WDR72: variants seen among roughly 807,000 people sequenced by gnomAD.
The protein encoded by WDR72 is WD repeat domain 72, also known as WD repeat-containing protein 72.
In WDR72, 120 loss-of-function variants were observed where a neutral mutation model predicts 124.2. The ratio of observed to expected loss-of-function variants is 0.97; its 90% confidence interval spans 0.83 to 1.12. The LOEUF (loss-of-function observed/expected upper bound fraction) is 1.12, where lower values mean the gene tolerates loss of function less well. Among genes scored for constraint, WDR72 ranks in the 50% most tolerant of loss-of-function variants. The probability of loss-of-function intolerance (pLI) is 0.00; values close to 1 mark genes in which losing one functional copy is unlikely to be tolerated. For missense variants in WDR72, 1,387 were observed against 1,278.8 expected (o/e 1.08, Z -1.29); for synonymous variants, 452 against 441.7 (o/e 1.02, Z -0.29).
intron 18 of WDR72, among the ~76,000 whole-genome samples, chr15:53,589,835 T>G (rs945298534): frequency 3.3e-5 from 5 of 151,990 alleles, no homozygotes; most frequent in African/African-American, 1.2e-4. Flanking sequence ...CCGTGAAAGA[T>G]AAAACTACTT....
chr15:53,700,946 G>A (rs577751838), intron 12 of WDR72, among the ~76,000 whole-genome samples: 3 of 152,184 alleles, frequency 2.0e-5, no homozygotes, highest in Non-Finnish European at 2.9e-5. Context: ...CACACATACC[G>A]TGTGAACACA....
At chr15:53,521,964 G>T (rs536132745) in intron 19 of WDR72, among the ~76,000 whole-genome samples, 2 of 151,990 alleles carry the variant, frequency 1.3e-5, no homozygotes, top group South Asian at 4.2e-4. Context: ...CAAGGGGTGG[G>T]GTTAATTTGC....
At chr15:53,545,358 G>A (rs868267208) in intron 18 of WDR72, among the ~76,000 whole-genome samples, 24,017 of 142,948 alleles carry the variant, frequency 0.17, 2,257 homozygotes, top group Middle Eastern at 0.2. Context: ...AAATAACGCC[G>A]CATATCTGCA....
At chr15:53,667,714 T>C (rs1390429052) in intron 13 of WDR72, among the ~76,000 whole-genome samples, 3 of 152,234 alleles carry the variant, frequency 2.0e-5, no homozygotes, top group African/African-American at 7.2e-5. Context: ...ACAGGTTCTC[T>C]GTGGCTCCTC....
chr15:53,514,220 T>C lies in WDR72; in HGVS notation c.*3479A>G, dbSNP rs1460429686. Reference sequence around the variant, plus strand: ...AAATTAAACACAACTTTTGGCACTTTACATATAAGACAACATTTTGTGGAG... The same window carrying C: ...AAATTAAACACAACTTTTGGCACTTCACATATAAGACAACATTTTGTGGAG... On this transcript the variant is annotated 3_prime_UTR_variant, in exon 20 of 20. Coordinates refer to ENST00000360509, the MANE Select transcript of WDR72 (RefSeq NM_182758.4). 1 of 152,196 alleles carries C rather than the reference T, an allele frequency of 6.6e-6. No homozygotes were observed. Among genetic ancestry groups the C allele is most frequent in the Non-Finnish European group, 1.5e-5 (1 of 68,038 alleles). 9.4% of individuals were successfully genotyped at this position (152,196 alleles called of 1,614,324 possible).
At chr15:53,603,441 CT>C (rs1310917596) in intron 17 of WDR72, among the ~76,000 whole-genome samples, 2 of 152,148 alleles carry the variant, frequency 1.3e-5, no homozygotes, top group Non-Finnish European at 2.9e-5. Flanking sequence ...CAAGGATGCC[CT>C]CTCTTACTAC....
chr15:53,675,488 G>A (rs1364142827), intron 13 of WDR72, among the ~76,000 whole-genome samples: 1 of 151,954 alleles, frequency 6.6e-6, no homozygotes, highest in Non-Finnish European at 1.5e-5. Flanking sequence ...TTAATTAATT[G>A]TACAATTATC....
At chr15:53,667,847 C>A (rs2015832788) in intron 13 of WDR72, among the ~76,000 whole-genome samples, 1 of 152,108 alleles carries the variant, frequency 6.6e-6, no homozygotes, top group South Asian at 2.1e-4. Context: ...TTATTGTATA[C>A]CTAATGTCTT....
upstream of WDR72, among the ~76,000 whole-genome samples, chr15:53,760,439 T>C (rs2019040421): frequency 6.6e-6 from 1 of 152,142 alleles, no homozygotes; most frequent in African/African-American, 2.4e-5. Context: ...GAAGTTTGTC[T>C]TTCGGTGCCT....
intron 14 of WDR72, among the ~76,000 whole-genome samples, chr15:53,635,675 A>G (rs1056192732): frequency 6.6e-6 from 1 of 151,976 alleles, no homozygotes; most frequent in African/African-American, 2.4e-5. Context: ...AACAACAGAC[A>G]CTGTGGACTA....
At chr15:53,543,519 C>T (rs1893267704) in intron 18 of WDR72, among the ~76,000 whole-genome samples, 1 of 150,602 alleles carries the variant, frequency 6.6e-6, no homozygotes, top group Non-Finnish European at 1.5e-5. Flanking sequence ...ATTTATAGCA[C>T]TAAATGCCCA....
At chr15:53,636,017 C>G (rs1012141489) in intron 14 of WDR72, among the ~76,000 whole-genome samples, 3 of 152,120 alleles carry the variant, frequency 2.0e-5, no homozygotes, top group Non-Finnish European at 4.4e-5. Flanking sequence ...GAATACGATT[C>G]ATCCTCATGT....
chr15:53,652,876 T>C (rs2015290602), intron 14 of WDR72, among the ~76,000 whole-genome samples: 1 of 152,202 alleles, frequency 6.6e-6, no homozygotes. Flanking sequence ...CTCCCTAATA[T>C]GCTGGGCATA....
chr15:53,608,785 T>TAAATAAATAAATAAAAAAAA (rs61501258), intron 17 of WDR72, among the ~76,000 whole-genome samples: 7 of 149,802 alleles, frequency 4.7e-5, no homozygotes, highest in African/African-American at 1.7e-4. Flanking sequence ...AATAAATAAA[T>TAAATAAATAAATAAAAAAAA]ATAAAAATAA....
chr15:53,630,373 T>G (rs1173491388), intron 14 of WDR72, among the ~76,000 whole-genome samples: 3 of 152,128 alleles, frequency 2.0e-5, no homozygotes, highest in Admixed American at 6.5e-5. Flanking sequence ...GAGGCCAGTA[T>G]TACCCTGATA....
chr15:53,674,793 A>C (rs772056431), intron 13 of WDR72, among the ~76,000 whole-genome samples: 1 of 152,172 alleles, frequency 6.6e-6, no homozygotes. Flanking sequence ...TCTAACCACC[A>C]TGACCTTAAC....
chr15:53,537,345 A>G (rs969787434), intron 18 of WDR72, among the ~76,000 whole-genome samples: 4 of 152,148 alleles, frequency 2.6e-5, no homozygotes, highest in Admixed American at 2.6e-4. Context: ...CTGGTTTCTT[A>G]TAAGTGTTTC....
In WDR72 at chr15:53,632,959, A is replaced by G. The variant is rs545941658; in HGVS notation, c.1963-16716T>C. Among the ~76,000 whole-genome samples the G allele has an allele frequency of 2.0e-5, 3 of 152,294 alleles. No homozygotes were observed. The South Asian group carries it at 6.2e-4, about 32-fold the overall frequency. ...AAAGGGAAGAGCCTTGTCTCAGATG[A>G]GGCTTTGGCCTTTGGACTTTTGAGT... On this transcript the variant is annotated intron_variant, in intron 14 of 19. Transcript: ENST00000360509.
At chr15:53,546,570 C>G (rs1001369204) in intron 18 of WDR72, among the ~76,000 whole-genome samples, 1 of 151,790 alleles carries the variant, frequency 6.6e-6, no homozygotes, top group African/African-American at 2.4e-5. Flanking sequence ...TGCTAGATGA[C>G]GAGTTAGTGG....
Sources: allele counts gnomAD v4.1 joint callset (sites outside exome capture counted in the v4.1 genomes callset), GRCh38; gene constraint gnomAD v4.1.1; transcripts MANE v1.5; gene names NCBI Gene and HGNC (gene_info 2026-07-23, HGNC 2026-07-21).